Variants in ROBO1 observed in about 807,000 individuals in gnomAD.
The protein encoded by ROBO1 is roundabout guidance receptor 1, also known as roundabout homolog 1.
Under a neutral mutation model 195.9 loss-of-function variants are expected in ROBO1, and 149 were observed. The ratio of observed to expected loss-of-function variants is 0.76; its 90% CI spans 0.67 to 0.87. The LOEUF (loss-of-function observed/expected upper bound fraction) is 0.87. Ranked by LOEUF, ROBO1 falls within the 40% of genes least tolerant of loss-of-function variation. The pLI, the probability that ROBO1 is intolerant of heterozygous loss-of-function variation, is 0.00. For synonymous variants in ROBO1, 816 were observed against 733.2 expected, an observed-to-expected ratio of 1.11 and a Z score of -1.82; for missense variants, 1,933 against 2,068.3, an observed-to-expected ratio of 0.93 and a Z score of 1.27.
intron 2 of ROBO1, among the ~76,000 whole-genome samples, chr3:79,257,959 T>C (rs185375082): frequency 6.6e-6 from 1 of 152,210 alleles, no homozygotes; most frequent in East Asian, 1.9e-4. Context: ...TTTTGGTTAG[T>C]AATAAAGCTA....
At chr3:78,888,697 A>T (rs1045211861) in intron 4 of ROBO1, among the ~76,000 whole-genome samples, 3 of 152,150 alleles carry the variant, frequency 2.0e-5, no homozygotes, top group African/African-American at 7.2e-5. Context: ...CTTCAAAGAG[A>T]TATATAAGCT....
intron 2 of ROBO1, among the ~76,000 whole-genome samples, chr3:79,452,164 A>G (rs2039463256): frequency 6.6e-6 from 1 of 152,104 alleles, no homozygotes; most frequent in Non-Finnish European, 1.5e-5. Flanking sequence ...TATTTTCCAT[A>G]ACTGCATTCA....
At chr3:78,840,634 T>C (rs1347527378) in intron 4 of ROBO1, among the ~76,000 whole-genome samples, 1 of 152,168 alleles carries the variant, frequency 6.6e-6, no homozygotes, top group Middle Eastern at 3.2e-3. Flanking sequence ...ACCTCAATCC[T>C]TTCAGTAATA....
chr3:79,289,503 G>A (rs2032102329), intron 2 of ROBO1, among the ~76,000 whole-genome samples: 1 of 152,102 alleles, frequency 6.6e-6, no homozygotes, highest in Non-Finnish European at 1.5e-5. Flanking sequence ...TAGGTGAAAT[G>A]TTTACCACTT....
intron 18 of ROBO1, among the ~76,000 whole-genome samples, chr3:78,655,051 T>G: frequency 6.6e-6 from 1 of 152,346 alleles, no homozygotes; most frequent in Admixed American, 6.5e-5. Flanking sequence ...TACAGTTTCT[T>G]GTGTTGCTTG....
intron 2 of ROBO1, among the ~76,000 whole-genome samples, chr3:79,370,849 CT>C (rs1475529769): frequency 6.6e-6 from 1 of 151,934 alleles, no homozygotes; most frequent in African/African-American, 2.4e-5. Flanking sequence ...CCCCCACCCC[CT>C]GACTGGTCCC....
chr3:79,650,157 A>G lies in ROBO1; in HGVS notation c.-50-60196T>C, dbSNP rs1945960018. Among the ~76,000 whole-genome samples, 6 of 152,108 alleles carry G rather than the reference A, an allele frequency of 3.9e-5. No homozygotes were observed. In the South Asian group the frequency reaches 1.2e-3, roughly 31 times the overall value. ...ATAATATTAAATGCAGATTCTCTGA[A>G]AAGTCCAATAAAAACTACAAATCTC... On this transcript the variant is annotated intron_variant, in intron 1 of 30. Transcript: ENST00000464233.
chr3:79,449,334 T>G (rs1284527607), intron 2 of ROBO1, among the ~76,000 whole-genome samples: 1 of 152,038 alleles, frequency 6.6e-6, no homozygotes, highest in Non-Finnish European at 1.5e-5. Context: ...AAATATTTTA[T>G]GAAATTGAAA....
chr3:79,108,451 G>A (rs1405786642), intron 3 of ROBO1, among the ~76,000 whole-genome samples: 1 of 151,644 alleles, frequency 6.6e-6, no homozygotes, highest in African/African-American at 2.4e-5. Flanking sequence ...TTAAGTTCTA[G>A]AGAAATGTAT....
At chr3:79,684,187 T>G (rs185307144) in intron 1 of ROBO1, among the ~76,000 whole-genome samples, 141 of 152,276 alleles carry the variant, frequency 9.3e-4, no homozygotes, top group African/African-American at 3.1e-3. Flanking sequence ...GATAAGCACT[T>G]CCCTAATGAT....
intron 3 of ROBO1, among the ~76,000 whole-genome samples, chr3:78,958,444 AAAC>A (rs1485322632): frequency 6.6e-6 from 1 of 152,224 alleles, no homozygotes. Flanking sequence ...TCAATGGTTT[AAAC>A]ATCATTTAGA....
chr3:79,399,693 C>G (rs547062788), intron 2 of ROBO1, among the ~76,000 whole-genome samples: 1 of 152,194 alleles, frequency 6.6e-6, no homozygotes, highest in East Asian at 1.9e-4. Context: ...TTAAAAACAT[C>G]AAGATTGTTT....
At chr3:79,731,023 T>C (rs529989366) in intron 1 of ROBO1, among the ~76,000 whole-genome samples, 1 of 152,154 alleles carries the variant, frequency 6.6e-6, no homozygotes, top group Admixed American at 6.5e-5. Context: ...GTGATCCGTG[T>C]TTCCTATATT....
intron 2 of ROBO1, among the ~76,000 whole-genome samples, chr3:79,190,687 T>C (rs1239748342): frequency 1.3e-5 from 2 of 151,626 alleles, no homozygotes; most frequent in East Asian, 3.9e-4. Flanking sequence ...ATTTCCTTTG[T>C]AAGGTCCCCC....
chr3:79,477,960 G>A (rs1270001650), intron 2 of ROBO1, among the ~76,000 whole-genome samples: 6 of 152,098 alleles, frequency 3.9e-5, no homozygotes, highest in Non-Finnish European at 8.8e-5. Context: ...TAATCTATAT[G>A]TGACTGTACC....
chr3:78,764,814 T>C (rs1042118197), intron 4 of ROBO1, among the ~76,000 whole-genome samples: 47 of 152,268 alleles, frequency 3.1e-4, no homozygotes, highest in African/African-American at 1.1e-3. Context: ...TTGCTACCTG[T>C]CACAGAGACA....
chr3:79,023,114 C>A (rs921682733), intron 3 of ROBO1, among the ~76,000 whole-genome samples: 1 of 151,982 alleles, frequency 6.6e-6, no homozygotes, highest in African/African-American at 2.4e-5. Context: ...TCAGACCGAC[C>A]CTGGGATGCA....
chr3:79,685,085 G>C (rs1037441538), intron 1 of ROBO1, among the ~76,000 whole-genome samples: 14 of 152,210 alleles, frequency 9.2e-5, no homozygotes, highest in African/African-American at 2.2e-4. Context: ...TTTGTATAGT[G>C]ACTTTCTAAA....
intron 4 of ROBO1, among the ~76,000 whole-genome samples, chr3:78,893,014 G>T (rs536338185): frequency 6.6e-6 from 1 of 152,268 alleles, no homozygotes; most frequent in South Asian, 2.1e-4. Flanking sequence ...ATACTGGCAG[G>T]AGGAAAGACC....
Sources: gnomAD v4.1 joint callset for allele counts (sites outside exome capture counted in the v4.1 genomes callset) on GRCh38, gnomAD v4.1.1 for gene constraint, MANE v1.5 for transcripts, NCBI Gene and HGNC (gene_info 2026-07-23, HGNC 2026-07-21) for gene names.